ANK3: variants seen among roughly 807,000 people sequenced by gnomAD.
ANK3 encodes the protein ankyrin-3.
ANK3 carries 57 observed loss-of-function variants against 370.9 expected under a neutral mutation model. The observed-to-expected ratio is 0.15, with a 90% CI of 0.12 to 0.19. The LOEUF is 0.19. Among genes scored for constraint, ANK3 ranks in the 10% least tolerant of loss-of-function variants. The pLI is 1.00. For missense variants in ANK3, 4,439 were observed against 5,302.1 expected (o/e 0.84, Z 5.06); for synonymous variants, 1,929 against 1,946.3 (o/e 0.99, Z 0.23).
At chr10:60,281,832 C>CT (rs1422837741) in intron 1 of ANK3, among the ~76,000 whole-genome samples, 1 of 152,014 alleles carries the variant, frequency 6.6e-6, no homozygotes, top group East Asian at 1.9e-4. Context: ...ACAGCTATTA[C>CT]TTAAAATAAC....
chr10:60,381,403 CAT>C (rs1486978403), intron 1 of ANK3, among the ~76,000 whole-genome samples: 1 of 152,074 alleles, frequency 6.6e-6, no homozygotes, highest in Non-Finnish European at 1.5e-5. Context: ...ATGTATTTAA[CAT>C]ATGAGTCTTC....
chr10:60,449,983 GGAAAAGA>G (rs894130614), intron 2 of ANK3, among the ~76,000 whole-genome samples: 16 of 67,650 alleles, frequency 2.4e-4, no homozygotes, highest in Non-Finnish European at 5.0e-4. Context: ...AAAGAAAAGA[GGAAAAGA>G]GAAAAGAGAG....
At chr10:60,601,642 C>T (rs10994425) in intron 2 of ANK3, among the ~76,000 whole-genome samples, 22,696 of 151,984 alleles carry the variant, frequency 0.15, 2,141 homozygotes, top group South Asian at 0.27. Flanking sequence ...GGGTGGGATC[C>T]TGGAACCAAA....
intron 42 of ANK3, chr10:60,043,092 A>C (rs1394788762): frequency 1.6e-5 from 17 of 1,052,286 alleles, no homozygotes; most frequent in Non-Finnish European, 1.9e-5. Flanking sequence ...GCAGAATTGT[A>C]AACAATCTGT....
intron 2 of ANK3, among the ~76,000 whole-genome samples, chr10:60,440,486 C>T (rs1280189095): frequency 6.6e-6 from 1 of 152,100 alleles, no homozygotes; most frequent in Admixed American, 6.6e-5. Flanking sequence ...ATAAAACCAG[C>T]AGATCTCATG....
intron 1 of ANK3, among the ~76,000 whole-genome samples, chr10:60,364,115 G>C (rs1426012822): frequency 1.3e-5 from 2 of 151,722 alleles, no homozygotes. Context: ...CCAACATGGT[G>C]AAGCCCTGTT....
chr10:60,582,117 G>C (rs544604520), intron 2 of ANK3, among the ~76,000 whole-genome samples: 1 of 152,160 alleles, frequency 6.6e-6, no homozygotes, highest in African/African-American at 2.4e-5. Context: ...ACTGGGGCTT[G>C]TCAGGGGTTG....
intron 2 of ANK3, among the ~76,000 whole-genome samples, chr10:60,483,689 C>T (rs1393031342): frequency 1.3e-5 from 2 of 152,024 alleles, no homozygotes; most frequent in Admixed American, 6.6e-5. Context: ...ACAATGATTT[C>T]GAAGCCTGAA....
chr10:60,546,975 A>T lies in ANK3; in HGVS notation c.96+68211T>A, dbSNP rs182168290. Reference sequence around the variant, plus strand: ...AAAGAGGTAAAGTGATTTGTCCAAGATCACACAGCTGGTAAATGTCAGCCT... The same window carrying T: ...AAAGAGGTAAAGTGATTTGTCCAAGTTCACACAGCTGGTAAATGTCAGCCT... On this transcript the variant is annotated intron_variant, in intron 2 of 43. Coordinates refer to the ANK3 transcript ENST00000373827. Among the ~76,000 whole-genome samples the T allele has an allele frequency of 3.7e-4, 56 of 152,248 alleles. 1 individual carries two copies. Among genetic ancestry groups the T allele is most frequent in the African/African-American group, 1.3e-3 (55 of 41,546 alleles).
At chr10:60,322,434 G>T (rs934457511) in intron 1 of ANK3, among the ~76,000 whole-genome samples, 1 of 151,794 alleles carries the variant, frequency 6.6e-6, no homozygotes, top group Non-Finnish European at 1.5e-5. Flanking sequence ...TTTAGCCAGT[G>T]CTGGCTATAG....
intron 7 of ANK3, among the ~76,000 whole-genome samples, chr10:60,249,696 G>A (rs1366607660): frequency 6.6e-6 from 1 of 152,162 alleles, no homozygotes; most frequent in African/African-American, 2.4e-5. Flanking sequence ...TTATCTGTGG[G>A]CAGCACACAT....
chr10:60,654,202 T>C (rs931531358), intron 1 of ANK3, among the ~76,000 whole-genome samples: 1 of 152,218 alleles, frequency 6.6e-6, no homozygotes, highest in Non-Finnish European at 1.5e-5. Flanking sequence ...CACTTCTTAG[T>C]TCTAGTAGCT....
intron 16 of ANK3, among the ~76,000 whole-genome samples, chr10:60,191,305 T>C (rs140100505): frequency 1.8e-4 from 27 of 151,784 alleles, no homozygotes; most frequent in Admixed American, 7.2e-4. Flanking sequence ...AGGTACCATA[T>C]AGAATGGGAG....
intron 23 of ANK3, among the ~76,000 whole-genome samples, chr10:60,154,809 A>T (rs950479918): frequency 3.1e-4 from 47 of 152,312 alleles, no homozygotes; most frequent in African/African-American, 1.0e-3. Flanking sequence ...AAACAAAATG[A>T]AACAACCAAA....
chr10:60,731,318 TCC>T (rs980297693), intron 1 of ANK3, among the ~76,000 whole-genome samples: 2 of 152,204 alleles, frequency 1.3e-5, no homozygotes, highest in African/African-American at 4.8e-5. Context: ...AGATTCAGAA[TCC>T]ACACTGTTTC....
In ANK3 at chr10:60,205,866, C is replaced by T; in HGVS notation, c.1219G>A (p.Ala407Thr). The change falls in exon 11 of 44, where the codon GCC becomes ACC. Residue 407 changes from alanine (A) to threonine (T), a missense_variant. Around this residue, in one of 13 missense-constraint regions of ANK3, gnomAD observed 227 missense variants for 377.6 expected, o/e 0.60. Coordinates refer to ENST00000280772, the MANE Select transcript of ANK3 (RefSeq NM_020987.5). ...ACTTTAATTCGATTCTTCTTGCAGGCAATATGAAGAGGGGTAAAGCCATTC... is the reference window on the plus strand; with the variant it reads ...ACTTTAATTCGATTCTTCTTGCAGGTAATATGAAGAGGGGTAAAGCCATTC... ...ALNGFTPLHIACKKNRIKVME... is the reference protein window; with the variant it reads ...ALNGFTPLHITCKKNRIKVME... 2 of 1,613,578 alleles carry T rather than the reference C, an allele frequency of 1.2e-6. No individual in the cohort carries two copies. Among genetic ancestry groups the T allele is most frequent in the South Asian group, 1.1e-5 (1 of 91,074 alleles).
intron 1 of ANK3, among the ~76,000 whole-genome samples, chr10:60,332,052 A>G (rs1285226880): frequency 6.6e-6 from 1 of 152,060 alleles, no homozygotes; most frequent in Non-Finnish European, 1.5e-5. Context: ...GGCTAACTCA[A>G]TTTCTTTTTG....
At chr10:60,426,399 G>T (rs1287653242) in intron 2 of ANK3, among the ~76,000 whole-genome samples, 1 of 151,998 alleles carries the variant, frequency 6.6e-6, no homozygotes, top group Non-Finnish European at 1.5e-5. Context: ...CCTATACAAA[G>T]CCTCCTGTGT....
intron 2 of ANK3, among the ~76,000 whole-genome samples, chr10:60,483,108 T>A (rs1024911557): frequency 1.3e-5 from 2 of 152,158 alleles, no homozygotes; most frequent in Non-Finnish European, 2.9e-5. Context: ...ATCTGAATAG[T>A]GTAAATGGAA....
Sources: gnomAD v4.1 joint callset for allele counts (sites outside exome capture counted in the v4.1 genomes callset) on GRCh38, gnomAD v4.1.1 for gene constraint, gnomAD v4.1.1 regional missense constraint, MANE v1.5 for transcripts, NCBI Gene and HGNC (gene_info 2026-07-23, HGNC 2026-07-21) for gene names.